Variants in CLCN4 observed in about 807,000 individuals in gnomAD.
CLCN4 encodes H(+)/Cl(-) exchange transporter 4.
In CLCN4, 1 loss-of-function variant was observed where a neutral mutation model predicts 41.7. The observed-to-expected ratio is 0.02, with a 90% CI of 0.01 to 0.11. CLCN4 has a LOEUF of 0.11. CLCN4 is among the 10% of genes least tolerant of loss of function. The pLI is 1.00. For synonymous variants in CLCN4, 277 were observed against 285.8 expected (o/e 0.97, Z 0.31); for missense variants, 287 against 661.0 (o/e 0.43, Z 6.20).
At position 10,194,892 on chromosome X, in the gene CLCN4, C is replaced by G. The variant is rs370126726; in HGVS notation, c.245-19C>G. The G allele has an allele frequency of 5.3e-5, 64 of 1,205,228 alleles. No individual in the cohort carries two copies. The highest frequency in any genetic ancestry group is 4.7e-4 in the Middle Eastern group (2 of 4,276). On this transcript the variant is annotated intron_variant, in intron 4 of 12. Coordinates refer to ENST00000380833, the MANE Select transcript of CLCN4 (RefSeq NM_001830.4). ...ATCATGGGGCGATTCCTCTTAGTGG[C>G]TCGTGTTACTTCTTCCAGGCACCTT...
At chrX:10,206,229 A>C (rs1162341574) in intron 6 of CLCN4, 129 bp from the exon 7 acceptor site, 1 of 471,730 alleles carries the variant, frequency 2.1e-6, no homozygotes, top group Non-Finnish European at 3.6e-6. Flanking sequence ...TCAAAAATGA[A>C]AATGGTTTCT....
intron 4 of CLCN4, 47 bp downstream of exon 4, chrX:10,187,661 G>A (rs769217062): frequency 7.0e-6 from 7 of 1,002,920 alleles, no homozygotes; most frequent in East Asian, 3.0e-5. Flanking sequence ...TGCAGAGGCC[G>A]AAACCTCAAA....
At chrX:10,201,898 A>G (rs1924245946) in intron 6 of CLCN4, among the ~76,000 whole-genome samples, 1 of 111,999 alleles carries the variant, frequency 8.9e-6, no homozygotes, top group Admixed American at 9.5e-5. Flanking sequence ...GCTTGAGGCC[A>G]GGAGTTCGAG....
chrX:10,178,822 A>G (rs1923600163), intron 2 of CLCN4, among the ~76,000 whole-genome samples: 1 of 111,982 alleles, frequency 8.9e-6, no homozygotes, highest in Admixed American at 9.5e-5. Flanking sequence ...GAGCAGTAAA[A>G]AAACAAACAA....
chrX:10,191,811 A>T (rs1923973622), intron 4 of CLCN4, among the ~76,000 whole-genome samples: 1 of 97,541 alleles, frequency 1.0e-5, no homozygotes, highest in African/African-American at 3.9e-5. Flanking sequence ...AAGTGCTGGG[A>T]CTACTGGCAT....
chrX:10,213,914 C>G lies in CLCN4; in HGVS notation c.1810C>G (p.Arg604Gly), dbSNP rs760806121. ...TLATDVMRPR[R>G]GEPPLSVLTQ... ...GGCCACCGACGTCATGCGGCCCCGG[C>G]GGGGAGAGCCGCCACTGTCGGTGCT... Residue 604 changes from arginine (R) to glycine (G), a missense_variant, in exon 11 of 13, where the codon CGG becomes GGG. Physicochemically the swap from Arg to Gly is moderately radical, Grantham distance 125. Around this residue, in one of 6 missense-constraint regions of CLCN4, gnomAD observed 71 missense variants for 104.5 expected, o/e 0.68. Coordinates refer to ENST00000380833, the MANE Select transcript of CLCN4 (RefSeq NM_001830.4). 1 of 1,210,527 alleles carries G rather than the reference C, an allele frequency of 8.3e-7. No homozygotes were observed. Among genetic ancestry groups the G allele is most frequent in the Admixed American group, 2.2e-5 (1 of 46,084 alleles).
chrX:10,231,245 A>G (rs1925119494), intron 12 of CLCN4, among the ~76,000 whole-genome samples: 1 of 112,045 alleles, frequency 8.9e-6, no homozygotes, highest in African/African-American at 3.2e-5. Flanking sequence ...GGTTCAGTTT[A>G]TCCAGTCACC....
At chrX:10,214,993 G>T (rs1351217596) in intron 11 of CLCN4, among the ~76,000 whole-genome samples, 2 of 111,892 alleles carry the variant, frequency 1.8e-5, no homozygotes, top group African/African-American at 6.5e-5. Context: ...AAGGTGGCAG[G>T]GGCAAGGACC....
chrX:10,166,128 T>C (rs1405961349), intron 2 of CLCN4, among the ~76,000 whole-genome samples: 2 of 112,208 alleles, frequency 1.8e-5, no homozygotes, highest in Non-Finnish European at 3.8e-5. Context: ...ATTTCCCACC[T>C]GCACTGTCTT....
intron 2 of CLCN4, among the ~76,000 whole-genome samples, chrX:10,171,080 G>A (rs894686669): frequency 9.0e-6 from 1 of 111,571 alleles, no homozygotes; most frequent in African/African-American, 3.3e-5. Context: ...TAGAGACGGA[G>A]TTTTACCATG....
At chrX:10,218,253 C>T (rs183317013) in intron 11 of CLCN4, among the ~76,000 whole-genome samples, 82 of 112,266 alleles carry the variant, frequency 7.3e-4, no homozygotes, top group African/African-American at 2.5e-3. Flanking sequence ...ATTTAAAAAG[C>T]CACCTACATT....
At chrX:10,231,555 A>G (rs1016162745) in intron 12 of CLCN4, among the ~76,000 whole-genome samples, 1 of 111,514 alleles carries the variant, frequency 9.0e-6, no homozygotes, top group Non-Finnish European at 1.9e-5. Context: ...TAGACACAGG[A>G]GATACATGTG....
At chrX:10,186,914 C>T (rs1923828398) in intron 3 of CLCN4, among the ~76,000 whole-genome samples, 1 of 112,108 alleles carries the variant, frequency 8.9e-6, no homozygotes, top group Admixed American at 9.4e-5. Context: ...TATTTACTCT[C>T]TGGTCCTTTA....
chrX:10,216,955 G>A (rs1281001139), intron 11 of CLCN4, among the ~76,000 whole-genome samples: 2 of 76,256 alleles, frequency 2.6e-5, no homozygotes, highest in African/African-American at 9.6e-5. Context: ...CCATGCTTTA[G>A]TAGACAGACA....
chrX:10,225,400 T>C (rs1275684248), intron 12 of CLCN4, among the ~76,000 whole-genome samples: 2 of 112,557 alleles, frequency 1.8e-5, no homozygotes, highest in African/African-American at 6.5e-5. Context: ...TGTCTTCTTT[T>C]GAGAAGTGTC....
At chrX:10,232,676 C>G (rs1236593267) in intron 12 of CLCN4, among the ~76,000 whole-genome samples, 1 of 111,445 alleles carries the variant, frequency 9.0e-6, no homozygotes, top group African/African-American at 3.3e-5. Flanking sequence ...AATAATGAAA[C>G]AAGGCTTGCT....
At chrX:10,202,334 G>A (rs1036858286) in intron 6 of CLCN4, among the ~76,000 whole-genome samples, 4 of 111,089 alleles carry the variant, frequency 3.6e-5, no homozygotes, top group Non-Finnish European at 5.7e-5. Context: ...ATTAGCCGGC[G>A]TGGTGGCACG....
At chrX:10,231,659 T>A (rs1295609526) in intron 12 of CLCN4, among the ~76,000 whole-genome samples, 1 of 112,160 alleles carries the variant, frequency 8.9e-6, no homozygotes, top group Non-Finnish European at 1.9e-5. Context: ...CAGTTTGGCA[T>A]AAGTCGTTTT....
rs1924024066 is a variant in CLCN4, at chrX:10,193,625, T to G, written c.245-1286T>G. ...AGCTCTGGAACTGGGGTCAGCAAAC[T>G]TTTTCTGCAAGAGGCCAGAGAGTAA... On this transcript the variant is annotated intron_variant, in intron 4 of 12. Transcript: ENST00000380833. Among the ~76,000 whole-genome samples the G allele has an allele frequency of 2.7e-5, 3 of 112,019 alleles. No homozygotes were observed. The South Asian group carries it at 1.1e-3, about 42-fold the overall frequency.
Sources: gnomAD v4.1 joint callset for allele counts (sites outside exome capture counted in the v4.1 genomes callset) on GRCh38, gnomAD v4.1.1 for gene constraint, gnomAD v4.1.1 regional missense constraint, MANE v1.5 for transcripts, NCBI Gene and HGNC (gene_info 2026-07-23, HGNC 2026-07-21) for gene names.